The following FMN1 variants were observed in gnomAD, a reference collection of about 807,000 sequenced individuals.
The protein encoded by FMN1 is formin-1.
FMN1 carries 110 observed loss-of-function variants against 132.4 expected under a neutral mutation model. The ratio of observed to expected loss-of-function variants is 0.83; its 90% CI spans 0.71 to 0.97. FMN1 has a LOEUF of 0.97. FMN1 is among the 50% of genes least tolerant of loss of function. The pLI is 0.00. For missense variants in FMN1, 1,792 were observed against 1,705.3 expected (o/e 1.05, Z -0.90); for synonymous variants, 722 against 651.7 (o/e 1.11, Z -1.64).
intron 7 of FMN1, among the ~76,000 whole-genome samples, chr15:32,987,595 T>G (rs2033151539): frequency 6.6e-6 from 1 of 152,192 alleles, no homozygotes; most frequent in South Asian, 2.1e-4. Flanking sequence ...TTATAAAGAT[T>G]GGCATGAAGA....
chr15:33,128,637 T>G (rs1394696466), intron 4 of FMN1, among the ~76,000 whole-genome samples: 1 of 152,234 alleles, frequency 6.6e-6, no homozygotes, highest in African/African-American at 2.4e-5. Flanking sequence ...TTACAGCTCT[T>G]AAAGACGGTG....
intron 6 of FMN1, among the ~76,000 whole-genome samples, chr15:33,058,501 T>C (rs1236565481): frequency 6.6e-6 from 1 of 152,244 alleles, no homozygotes; most frequent in Non-Finnish European, 1.5e-5. Context: ...TGAACGGTAG[T>C]TGAATGAACC....
At chr15:32,869,495 T>C (rs1002065489) in intron 16 of FMN1, among the ~76,000 whole-genome samples, 2 of 152,136 alleles carry the variant, frequency 1.3e-5, no homozygotes, top group Non-Finnish European at 2.9e-5. Context: ...CACATTAAGT[T>C]TGAAATGTGA....
chr15:33,041,038 A>C (rs1375097903), intron 6 of FMN1, among the ~76,000 whole-genome samples: 5 of 152,294 alleles, frequency 3.3e-5, no homozygotes, highest in African/African-American at 9.6e-5. Flanking sequence ...GGCCAGAAAA[A>C]TCAGCAAGTC....
At chr15:33,060,944 TTAA>T (rs1191146735) in intron 6 of FMN1, among the ~76,000 whole-genome samples, 3 of 152,216 alleles carry the variant, frequency 2.0e-5, no homozygotes, top group African/African-American at 7.2e-5. Flanking sequence ...TTTAAATGTC[TTAA>T]TAATGAGAAA....
intron 3 of FMN1, among the ~76,000 whole-genome samples, chr15:33,159,817 G>A (rs990999597): frequency 2.0e-5 from 3 of 152,218 alleles, no homozygotes; most frequent in Non-Finnish European, 4.4e-5. Flanking sequence ...ATCAAGAATA[G>A]AAAGAAGTTT....
intron 7 of FMN1, among the ~76,000 whole-genome samples, chr15:32,994,599 A>C (rs1011665209): frequency 6.6e-6 from 1 of 152,168 alleles, no homozygotes; most frequent in African/African-American, 2.4e-5. Context: ...TACAAGCTCC[A>C]AGAGAGTGGG....
At chr15:32,895,545 G>A (rs909464051) in intron 15 of FMN1, among the ~76,000 whole-genome samples, 14 of 151,980 alleles carry the variant, frequency 9.2e-5, no homozygotes, top group African/African-American at 3.4e-4. Flanking sequence ...TCAACGGCAG[G>A]CTAAATATGA....
At chr15:33,166,330 T>C (rs1965107627) in intron 3 of FMN1, among the ~76,000 whole-genome samples, 1 of 151,680 alleles carries the variant, frequency 6.6e-6, no homozygotes, top group Admixed American at 6.6e-5. Context: ...TTTTCTTTTT[T>C]TTTTTTTAAA....
intron 4 of FMN1, among the ~76,000 whole-genome samples, chr15:33,126,600 AAAG>A (rs1963098568): frequency 6.6e-6 from 1 of 152,172 alleles, no homozygotes; most frequent in Admixed American, 6.5e-5. Context: ...AATAGACCAG[AAAG>A]AAGAAAGGAA....
chr15:33,068,729 A>C (rs2037865617), intron 5 of FMN1, among the ~76,000 whole-genome samples: 1 of 152,160 alleles, frequency 6.6e-6, no homozygotes, highest in Non-Finnish European at 1.5e-5. Flanking sequence ...GACTGGTTTC[A>C]GATGACTGCT....
intron 16 of FMN1, among the ~76,000 whole-genome samples, chr15:32,878,636 G>GAGGATCCCT (rs1461821392): frequency 6.6e-6 from 1 of 152,198 alleles, no homozygotes; most frequent in Non-Finnish European, 1.5e-5. Flanking sequence ...TGGGATCCCA[G>GAGGATCCCT]TAAATCCTCT....
rs553187759 is a variant in FMN1 at position 32,781,691 on chromosome 15, T to G, written c.4131-4772A>C. On this transcript the variant is annotated intron_variant, in intron 19 of 20. Transcript: ENST00000616417. ...CTTATCTTACCTTTTCAGACCCAGA[T>G]CTGTTGTTGTATTCGTAGTATGCTG... 3.9e-5 allele frequency among the ~76,000 whole-genome samples: 6 copies of G among 152,332 alleles called. No homozygotes were observed. In the South Asian group the frequency reaches 1.2e-3, roughly 32 times the overall value.
intron 17 of FMN1, among the ~76,000 whole-genome samples, chr15:32,853,340 G>A (rs191337716): frequency 1.4e-4 from 22 of 152,166 alleles, no homozygotes; most frequent in South Asian, 6.2e-4. Flanking sequence ...GAATTTTCAC[G>A]TTTTAGAGCC....
chr15:33,192,351 C>A (rs1288731200), intron 2 of FMN1, among the ~76,000 whole-genome samples: 4 of 152,136 alleles, frequency 2.6e-5, no homozygotes, highest in Admixed American at 2.0e-4. Flanking sequence ...GGAGGATGAC[C>A]AGGATATGAG....
chr15:33,103,055 C>CGG (rs2039353289), intron 4 of FMN1, among the ~76,000 whole-genome samples: 2 of 152,154 alleles, frequency 1.3e-5, no homozygotes, highest in South Asian at 2.1e-4. Context: ...CCAGGCACTC[C>CGG]AGCATCTGAC....
chr15:32,848,972 C>CTTTTG (rs1567266988), intron 17 of FMN1, among the ~76,000 whole-genome samples: 4 of 68,624 alleles, frequency 5.8e-5, no homozygotes, highest in Non-Finnish European at 1.2e-4. Context: ...GGTTAGTTCT[C>CTTTTG]TTTTGTTTTT....
At chr15:33,016,091 A>G (rs953979653) in intron 6 of FMN1, among the ~76,000 whole-genome samples, 1 of 152,232 alleles carries the variant, frequency 6.6e-6, no homozygotes, top group Non-Finnish European at 1.5e-5. Context: ...AATAAGGCTT[A>G]TTTAAGCAAA....
chr15:32,941,669 G>A (rs1178440415), intron 9 of FMN1, among the ~76,000 whole-genome samples: 1 of 151,984 alleles, frequency 6.6e-6, no homozygotes, highest in Admixed American at 6.6e-5. Context: ...CTAGTATTAA[G>A]AGACTTTTGG....
Sources: gnomAD v4.1 joint callset for allele counts (sites outside exome capture counted in the v4.1 genomes callset) on GRCh38, gnomAD v4.1.1 for gene constraint, MANE v1.5 for transcripts, NCBI Gene and HGNC (gene_info 2026-07-23, HGNC 2026-07-21) for gene names.